PLK2: variants seen among roughly 807,000 people sequenced by gnomAD.
The protein encoded by PLK2 is serine/threonine-protein kinase PLK2.
Under a neutral mutation model 78.1 loss-of-function variants are expected in PLK2, and 25 were observed. That is an observed-to-expected ratio of 0.32 (90% CI 0.23 to 0.45). The LOEUF is 0.45. Ranked by LOEUF, PLK2 falls within the 20% of genes least tolerant of loss-of-function variation. PLK2 has a pLI of 1.00. For missense variants in PLK2, 566 were observed against 840.2 expected (o/e 0.67, Z 4.04); for synonymous variants, 332 against 298.2 (o/e 1.11, Z -1.17).
At position 58,454,499 on chromosome 5, in the gene PLK2, A is replaced by G. The variant is rs1743545907; in HGVS notation, c.*84T>C. On this transcript the variant is annotated 3_prime_UTR_variant, in exon 14 of 14. Coordinates refer to ENST00000274289, the MANE Select transcript of PLK2 (RefSeq NM_006622.4). The stretch of plus-strand genomic sequence containing the variant: ...TACCACCACATGTCCATCTTCTTCA[A>G]CATACTCTAGATCATTCTTTTGGCT... 2 of 969,296 alleles carry G rather than the reference A, an allele frequency of 2.1e-6. No individual in the cohort carries two copies. The highest frequency in any genetic ancestry group is 4.8e-5 in the East Asian group (2 of 41,650). The allele number at this position is 969,296 out of a possible 1,614,324, so 60.0% of individuals were successfully genotyped here.
At position 58,458,712 on chromosome 5, in the gene PLK2, A is replaced by C; in HGVS notation, c.495+13T>G. The C allele has an allele frequency of 7.4e-7, 1 of 1,344,146 alleles. No homozygotes were observed. The highest frequency in any genetic ancestry group is 2.3e-5 in the East Asian group (1 of 43,630). 83.3% of individuals were successfully genotyped at this position (1,344,146 alleles called of 1,614,324 possible). On this transcript the variant is annotated intron_variant, in intron 3 of 13. Transcript: ENST00000274289. Reference sequence around the variant, plus strand: ...GGGTAAGCAAATGTTCTCAAATAGGAGTTGACACTTACCCTTCTACTGCAG... The same window carrying C: ...GGGTAAGCAAATGTTCTCAAATAGGCGTTGACACTTACCCTTCTACTGCAG...
intron 3 of PLK2, 72 bp from the exon 4 acceptor site, chr5:58,458,600 A>C: frequency 2.0e-6 from 3 of 1,471,556 alleles, no homozygotes; most frequent in Non-Finnish European, 2.8e-6. Context: ...CCTTTGCAGG[A>C]TGAGCAATGA....
chr5:58,457,025 G>T lies in PLK2; in HGVS notation c.1076C>A (p.Pro359Gln). Residue 359 changes from proline (P) to glutamine (Q), a missense_variant, in exon 8 of 14, where the codon CCA becomes CAA. Physicochemically the swap from Pro to Gln is moderately conservative, Grantham distance 76. Coordinates refer to ENST00000274289, the MANE Select transcript of PLK2 (RefSeq NM_006622.4). ...TGCTTTCTTAAAGAAATTCTTAGCT[G>T]GGCTTGATAAGTGGAAATCTGGAAC... ...HTVPDFHLSS[P>Q]AKNFFKKAAA... is the part of the protein sequence containing the mutation. 6.2e-7 allele frequency: 1 copy of T among 1,613,338 alleles called. No individual in the cohort carries two copies. Among genetic ancestry groups the T allele is most frequent in the Non-Finnish European group, 8.5e-7 (1 of 1,179,374 alleles).
rs55645589 is a variant in PLK2 at position 58,455,704 on chromosome 5, G to A, written c.1460C>T (p.Pro487Leu). ...RVLRGCLENMPEADCIPKEQL... is the reference protein window; with the variant it reads ...RVLRGCLENMLEADCIPKEQL... ...CTCTTTGGGAATGCAATCAGCTTCC[G>A]GCATGTTTTCCAGACATCCCCGAAG... The change falls in exon 11 of 14, where the codon CCG (proline) becomes CTG (leucine). Residue 487 changes from proline to leucine, a missense_variant. By Grantham distance (98) the Pro-to-Leu change is moderately conservative. Transcript: ENST00000274289. The A allele has an allele frequency of 5.5e-5, 88 of 1,613,974 alleles. No individual in the cohort carries two copies. Among genetic ancestry groups the A allele is most frequent in the East Asian group, 8.9e-5 (4 of 44,888 alleles).
rs1277475542 is a variant in PLK2, at chr5:58,455,690, T to C, written c.1474A>G (p.Ile492Val). Residue 492 changes from isoleucine (I) to valine (V), a missense_variant, in exon 11 of 14, where the codon ATT becomes GTT. Ile to Val is a conservative substitution (Grantham distance 29, BLOSUM62 3). Around this residue, in one of 5 missense-constraint regions of PLK2, gnomAD observed 129 missense variants for 156.0 expected, o/e 0.83. Coordinates refer to ENST00000274289, the MANE Select transcript of PLK2 (RefSeq NM_006622.4). ...GATGTGCTCAGCTGCTCTTTGGGAA[T>C]GCAATCAGCTTCCGGCATGTTTTCC... ...CLENMPEADC[I>V]PKEQLSTSFQ... 5 of 1,614,064 alleles carry C rather than the reference T, an allele frequency of 3.1e-6. No individual in the cohort carries two copies. Among genetic ancestry groups the C allele is most frequent in the Non-Finnish European group, 4.2e-6 (5 of 1,180,034 alleles).
At chr5:58,459,245 T>C in intron 1 of PLK2, 153 bp from the exon 2 acceptor site, 2 of 614,974 alleles carry the variant, frequency 3.3e-6, no homozygotes, top group Non-Finnish European at 5.7e-6. Flanking sequence ...TCGACTTCGT[T>C]AAAGCTCCCT....
At chr5:58,459,319 G>A (rs1049962315) in intron 1 of PLK2, 7 of 580,828 alleles carry the variant, frequency 1.2e-5, no homozygotes, top group Admixed American at 3.1e-5. Context: ...CTTTTATAAA[G>A]GGGAGCTTTA....
Position 58,456,116 on chromosome 5 carries a change from T to A in PLK2, c.1294A>T (p.Thr432Ser), listed in dbSNP as rs1272719628. Residue 432 changes from threonine (T) to serine (S), a missense_variant, in exon 10 of 14, where the codon ACA becomes TCA. By Grantham distance (58) the Thr-to-Ser change is moderately conservative (BLOSUM62 1). Around this residue, in one of 5 missense-constraint regions of PLK2, gnomAD observed 129 missense variants for 156.0 expected, o/e 0.83. Transcript: ENST00000274289. ...PPTTTVARSG[T>S]PAVENKQQIG... is the part of the protein sequence containing the mutation. ...TGCTGCTTGTTTTCTACTGCGGGTG[T>A]TCCAGACCTGGCAACTGTGGTGGTA... 4 of 1,614,026 alleles carry A rather than the reference T, an allele frequency of 2.5e-6. No individual in the cohort carries two copies. The highest frequency in any genetic ancestry group is 3.4e-6 in the Non-Finnish European group (4 of 1,179,948).
chr5:58,457,804 C>G (rs764685197), intron 5 of PLK2: 20 of 590,548 alleles, frequency 3.4e-5, no homozygotes, highest in Non-Finnish European at 5.4e-5. Flanking sequence ...TTGTTTTAGC[C>G]CACATGCAAA....
Position 58,459,664 on chromosome 5 carries a change from G to A in PLK2, c.270+26C>T, listed in dbSNP as rs748577495. 64 of 1,525,894 alleles carry A rather than the reference G, an allele frequency of 4.2e-5. No homozygotes were observed. In the Middle Eastern group the frequency reaches 6.4e-4, roughly 15 times the overall value. The allele number at this position is 1,525,894 out of a possible 1,614,324, so 94.5% of individuals were successfully genotyped here. A position where few individuals can be genotyped will look rare whatever the true frequency, so the allele number is the denominator to read the frequency against. ...CCCGGACAGACCTCCCGCCCGCCCG[G>A]CAGCCCGGCGCCCTCCGCTTGTCAC... On this transcript the variant is annotated intron_variant, in intron 1 of 13. Coordinates refer to ENST00000274289, the MANE Select transcript of PLK2 (RefSeq NM_006622.4).
chr5:58,455,228 A>G, intron 12 of PLK2, 57 bp downstream of exon 12: 1 of 1,582,116 alleles, frequency 6.3e-7, no homozygotes. Flanking sequence ...TGATGCAGAC[A>G]CTACTGCTTT....
chr5:58,456,930 G>A lies in PLK2; in HGVS notation c.1156+15C>T, dbSNP rs756357174. On this transcript the variant is annotated intron_variant, in intron 8 of 13. Transcript: ENST00000274289. ...TATTGGGTACGAAAAAGGAAAAGAAGTCTTGTTAACTTACTATGTGTGTCA... is the reference window on the plus strand; with the variant it reads ...TATTGGGTACGAAAAAGGAAAAGAAATCTTGTTAACTTACTATGTGTGTCA... The A allele has an allele frequency of 2.6e-6, 4 of 1,526,776 alleles. No homozygotes were observed. In the East Asian group the frequency reaches 6.8e-5, roughly 26 times the overall value. The allele number at this position is 1,526,776 out of a possible 1,614,324, so 94.6% of individuals were successfully genotyped here.
In PLK2 at chr5:58,458,734, G is replaced by T; in HGVS notation, c.486C>A (p.Cys162Ter). ...KENIYILLEY[C>*]SRRSMAHILK... ...AGGAGTTGACACTTACCCTTCTACT[G>T]CAGTATTCCAAGAGAATGTAAATGT... The change falls in exon 3 of 14, where the codon TGC becomes TGA. Residue 162 changes from cysteine (C) to a stop codon, truncating the protein, a stop_gained. Coordinates refer to ENST00000274289, the MANE Select transcript of PLK2 (RefSeq NM_006622.4). LOFTEE classifies it high-confidence loss of function. 1 of 1,502,178 alleles carries T rather than the reference G, an allele frequency of 6.7e-7. No individual in the cohort carries two copies. The highest frequency in any genetic ancestry group is 9.3e-7 in the Non-Finnish European group (1 of 1,078,134). The allele number at this position is 1,502,178 out of a possible 1,614,324, so 93.1% of individuals were successfully genotyped here. A position where few individuals can be genotyped will look rare whatever the true frequency, so the allele number is the denominator to read the frequency against.
rs1289326113 is a variant in PLK2 at position 58,454,031 on chromosome 5, T to C, written c.*552A>G. The C allele has an allele frequency of 6.6e-6, 1 of 151,398 alleles. No individual in the cohort carries two copies. Among genetic ancestry groups the C allele is most frequent in the African/African-American group, 2.4e-5 (1 of 41,176 alleles). The allele number at this position is 151,398 out of a possible 1,614,324, so 9.4% of individuals were successfully genotyped here. A position where few individuals can be genotyped will look rare whatever the true frequency, so the allele number is the denominator to read the frequency against. Reference sequence around the variant, plus strand: ...TGCCAACGGTTTAAAATGGTCAACATAAAAAAAAAGACATTTTGATAATAA... The same window carrying C: ...TGCCAACGGTTTAAAATGGTCAACACAAAAAAAAAGACATTTTGATAATAA... On this transcript the variant is annotated 3_prime_UTR_variant, in exon 14 of 14. Transcript: ENST00000274289.
At chr5:58,455,495 C>T (rs780547097) in intron 11 of PLK2, 44 bp downstream of exon 11, 3 of 1,610,778 alleles carry the variant, frequency 1.9e-6, no homozygotes, top group Non-Finnish European at 2.5e-6. Flanking sequence ...TTCTTTAGTG[C>T]AAGACTAGAG....
intron 4 of PLK2, 68 bp downstream of exon 4, chr5:58,458,331 G>A (rs1160211393): frequency 1.3e-5 from 20 of 1,519,380 alleles, no homozygotes; most frequent in Non-Finnish European, 1.7e-5. Flanking sequence ...ACATTAATAT[G>A]TAAAAAAAAA....
At position 58,454,570 on chromosome 5, in the gene PLK2, T is replaced by C. The variant is rs746822392; in HGVS notation, c.*13A>G. The stretch of plus-strand genomic sequence containing the variant: ...GAAAAGAGGAGTCCCATAGGGTCCA[T>C]TCGAAAAGTCTTTCAGTTACATCTT... On this transcript the variant is annotated 3_prime_UTR_variant, in exon 14 of 14. Transcript: ENST00000274289. 7 of 1,587,852 alleles carry C rather than the reference T, an allele frequency of 4.4e-6. No homozygotes were observed. The highest frequency in any genetic ancestry group is 6.0e-6 in the Non-Finnish European group (7 of 1,161,322).
Position 58,459,922 on chromosome 5 carries a change from G to A in PLK2, c.38C>T (p.Ala13Val). ...LLRTITYQPA[A>V]STKMCEQALG... ...CGCCTGCTCGCACATTTTGGTGCTG[G>A]CGGCTGGCTGGTAGGTGATAGTCCG... The change falls in exon 1 of 14, where the codon GCC (alanine) becomes GTC (valine). Residue 13 changes from alanine (A) to valine (V), a missense_variant. This residue lies in a region of PLK2 where 127 missense variants were observed against 122.5 expected (regional missense o/e 1.04). Transcript: ENST00000274289. The A allele has an allele frequency of 6.2e-7, 1 of 1,611,586 alleles. No homozygotes were observed. The highest frequency in any genetic ancestry group is 8.5e-7 in the Non-Finnish European group (1 of 1,179,442).
intron 3 of PLK2, 81 bp from the exon 4 acceptor site, chr5:58,458,609 G>C: frequency 7.0e-7 from 1 of 1,427,900 alleles, no homozygotes; most frequent in Non-Finnish European, 9.7e-7. Context: ...GATGAGCAAT[G>C]AAAGTTAACT....
Sources: gnomAD v4.1 joint callset for allele counts on GRCh38, gnomAD v4.1.1 for gene constraint, gnomAD v4.1.1 regional missense constraint, MANE v1.5 for transcripts, NCBI Gene and HGNC (gene_info 2026-07-23, HGNC 2026-07-21) for gene names.